POLR3B: variants seen among roughly 807,000 people sequenced by gnomAD.
POLR3B encodes RNA polymerase III subunit B, also known as DNA-directed RNA polymerase III subunit RPC2.
A neutral mutation model predicts 147.4 loss-of-function variants in POLR3B; 96 were observed. The observed-to-expected ratio is 0.65, with a 90% CI of 0.55 to 0.77. POLR3B has a LOEUF of 0.77. Ranked by LOEUF, POLR3B falls within the 30% of genes least tolerant of loss-of-function variation. The pLI, the probability that POLR3B is intolerant of heterozygous loss-of-function variation, is 0.00. For synonymous variants in POLR3B, 461 were observed against 485.9 expected, an observed-to-expected ratio of 0.95 and a Z score of 0.67; for missense variants, 1,036 against 1,413.5, an observed-to-expected ratio of 0.73 and a Z score of 4.28.
At position 106,395,266 on chromosome 12, in the gene POLR3B, A is replaced by G. The variant is rs548998121; in HGVS notation, c.846+2113A>G. 2.6e-5 allele frequency among the ~76,000 whole-genome samples: 4 copies of G among 152,162 alleles called. No individual in the cohort carries two copies. The East Asian group carries it at 7.7e-4, about 29-fold the overall frequency. ...CTGAGACTGGGTAATTTATAAAGAA[A>G]AGAGGTTTAATTGGCTCATGGTTTT... On this transcript the variant is annotated intron_variant, in intron 10 of 27. Transcript: ENST00000228347.
At chr12:106,432,604 T>A in intron 15 of POLR3B, 124 bp downstream of exon 15, 1 of 832,836 alleles carries the variant, frequency 1.2e-6, no homozygotes, top group Non-Finnish European at 2.1e-6. Flanking sequence ...GACCTTCACT[T>A]AAAGGTAGAA....
At chr12:106,470,761 T>C (rs2038079565) in intron 23 of POLR3B, among the ~76,000 whole-genome samples, 1 of 150,116 alleles carries the variant, frequency 6.7e-6, no homozygotes, top group Non-Finnish European at 1.5e-5. Context: ...CTCCAGACCC[T>C]TTTTGCCTGG....
chr12:106,431,312 A>G lies in POLR3B; in HGVS notation c.1464+839A>G, dbSNP rs149555296. 3.9e-3 allele frequency among the ~76,000 whole-genome samples: 590 copies of G among 152,306 alleles called. 6 individuals are homozygous for G. Among genetic ancestry groups the G allele is most frequent in the East Asian group, 0.016 (85 of 5,180 alleles). On this transcript the variant is annotated intron_variant, in intron 14 of 27. Coordinates refer to ENST00000228347, the MANE Select transcript of POLR3B (RefSeq NM_018082.6). ...TGACACTAAAATTATCCAGTTTGTC[A>G]AATTTTGCATAATTTATATATCTTG...
At chr12:106,479,105 G>A (rs752064627) in intron 23 of POLR3B, among the ~76,000 whole-genome samples, 9 of 152,004 alleles carry the variant, frequency 5.9e-5, no homozygotes, top group East Asian at 1.9e-4. Context: ...ATTGGACACC[G>A]TCGCATCCTG....
rs1188676430 is a variant in POLR3B at position 106,437,151 on chromosome 12, AC to A, written c.1856+21del. On this transcript the variant is annotated intron_variant, in intron 17 of 27. Transcript: ENST00000228347. ...GTACAGGTAAGTAGCCAAAAGTAAAACTTACCAATCTCCTTAATACCCACAT... is the reference window on the plus strand; with the variant it reads ...GTACAGGTAAGTAGCCAAAAGTAAAATTACCAATCTCCTTAATACCCACAT... The A allele has an allele frequency of 6.5e-7, 1 of 1,528,350 alleles. No individual in the cohort carries two copies. Among genetic ancestry groups the A allele is most frequent in the South Asian group, 1.1e-5 (1 of 88,864 alleles). The allele number at this position is 1,528,350 out of a possible 1,614,324, so 94.7% of individuals were successfully genotyped here. A position where few individuals can be genotyped will look rare whatever the true frequency, so the allele number is the denominator to read the frequency against.
intron 9 of POLR3B, among the ~76,000 whole-genome samples, chr12:106,387,193 T>A (rs998360477): frequency 6.6e-6 from 1 of 152,266 alleles, no homozygotes; most frequent in Admixed American, 6.5e-5. Context: ...TTTTGTGATA[T>A]ACACATACAT....
intron 23 of POLR3B, among the ~76,000 whole-genome samples, chr12:106,468,813 G>C (rs779382952): frequency 1.3e-5 from 2 of 152,182 alleles, no homozygotes; most frequent in African/African-American, 4.8e-5. Flanking sequence ...GAGACAGTTT[G>C]TTGTGATTTC....
intron 10 of POLR3B, among the ~76,000 whole-genome samples, chr12:106,396,232 G>A (rs1012016882): frequency 6.6e-6 from 1 of 152,134 alleles, no homozygotes; most frequent in Non-Finnish European, 1.5e-5. Context: ...AAACTAGAAG[G>A]CCAACATTTA....
At chr12:106,383,902 C>T (rs534921107) in intron 9 of POLR3B, among the ~76,000 whole-genome samples, 4 of 151,210 alleles carry the variant, frequency 2.6e-5, no homozygotes, top group South Asian at 4.2e-4. Flanking sequence ...CGCTTGAACC[C>T]GGGAGGTGGA....
In POLR3B at chr12:106,457,258, G is replaced by A. The variant is rs146772688; in HGVS notation, c.2414G>A (p.Arg805Gln). The A allele has an allele frequency of 3.2e-5, 51 of 1,613,644 alleles. No individual in the cohort carries two copies. The highest frequency in any genetic ancestry group is 1.0e-4 in the Admixed American group (6 of 59,974). ...LDAATRKPIWRHEILDADGIC... is the reference protein window; with the variant it reads ...LDAATRKPIWQHEILDADGIC... ...GCTGCTACAAGGAAACCTATCTGGC[G>A]ACATGAAATCTTAGATGCAGATGGT... is the stretch of plus-strand genomic sequence containing the variant. The change falls in exon 21 of 28, where the codon CGA becomes CAA. Residue 805 changes from arginine to glutamine, a missense_variant. Transcript: ENST00000228347.
chr12:106,375,068 T>TC (rs2036659914), intron 6 of POLR3B, among the ~76,000 whole-genome samples: 1 of 152,232 alleles, frequency 6.6e-6, no homozygotes, highest in South Asian at 2.1e-4. Context: ...TATGTTGACC[T>TC]CATTCTGAGT....
At chr12:106,427,688 T>C (rs2037456826) in intron 13 of POLR3B, among the ~76,000 whole-genome samples, 1 of 152,220 alleles carries the variant, frequency 6.6e-6, no homozygotes, top group African/African-American at 2.4e-5. Flanking sequence ...TCAGGCAGGT[T>C]TATTAATTAT....
rs2037286358 is a variant in POLR3B at position 106,415,286 on chromosome 12, AC to A, written c.1101+4327del. ...GGCTCCCTCTGAAAGCAGTGAGGTC[AC>A]TACAGTGAGATGTGATGTGGTTAAT... is the stretch of plus-strand genomic sequence containing the variant. On this transcript the variant is annotated intron_variant, in intron 12 of 27. Coordinates refer to ENST00000228347, the MANE Select transcript of POLR3B (RefSeq NM_018082.6). 2.0e-5 allele frequency among the ~76,000 whole-genome samples: 3 copies of A among 152,348 alleles called. No individual in the cohort carries two copies. In the South Asian group the frequency reaches 6.2e-4, roughly 32 times the overall value.
At chr12:106,409,347 TTTTTTTTG>T (rs1157237507) in intron 11 of POLR3B, among the ~76,000 whole-genome samples, 1 of 43,782 alleles carries the variant, frequency 2.3e-5, no homozygotes, top group East Asian at 2.4e-4. Context: ...TGTAAGAGGG[TTTTTTTTG>T]TTTTTTTTTT....
rs150114523 is a variant in POLR3B, at chr12:106,410,481, G to C, written c.967-345G>C. The C allele has an allele frequency of 4.3e-3, 1,137 of 266,822 alleles. 15 individuals carry two copies. The highest frequency in any genetic ancestry group is 0.024 in the African/African-American group (1,081 of 44,804). 16.5% of individuals were successfully genotyped at this position (266,822 alleles called of 1,614,324 possible). A position where few individuals can be genotyped will look rare whatever the true frequency, so the allele number is the denominator to read the frequency against. On this transcript the variant is annotated intron_variant, in intron 11 of 27. Transcript: ENST00000228347. ...TAAAGATTAATTCTGGAATTGGCTGGTATCATTTCAGCTGTATTCTCTTGG... is the reference window on the plus strand; with the variant it reads ...TAAAGATTAATTCTGGAATTGGCTGCTATCATTTCAGCTGTATTCTCTTGG...
intron 22 of POLR3B, among the ~76,000 whole-genome samples, chr12:106,461,003 C>T (rs187718493): frequency 6.6e-5 from 10 of 152,206 alleles, no homozygotes; most frequent in African/African-American, 1.9e-4. Context: ...CCCTAACCCT[C>T]GGAACTGGCC....
At chr12:106,396,910 A>G (rs936497835) in intron 10 of POLR3B, among the ~76,000 whole-genome samples, 5 of 152,082 alleles carry the variant, frequency 3.3e-5, no homozygotes, top group Non-Finnish European at 5.9e-5. Context: ...TAGGCAACAT[A>G]GTGAGACCCT....
intron 19 of POLR3B, among the ~76,000 whole-genome samples, chr12:106,448,785 ACTTT>A (rs1280116028): frequency 6.6e-6 from 1 of 151,728 alleles, no homozygotes; most frequent in East Asian, 1.9e-4. Flanking sequence ...TATAATACAT[ACTTT>A]TTTTTGTTCT....
At chr12:106,418,569 G>A (rs2037335694) in intron 12 of POLR3B, among the ~76,000 whole-genome samples, 1 of 152,164 alleles carries the variant, frequency 6.6e-6, no homozygotes, top group African/African-American at 2.4e-5. Context: ...CTGTATTTCA[G>A]CAGCTTAACT....
Sources: allele counts gnomAD v4.1 joint callset (sites outside exome capture counted in the v4.1 genomes callset), GRCh38; gene constraint gnomAD v4.1.1; transcripts MANE v1.5; gene names NCBI Gene and HGNC (gene_info 2026-07-23, HGNC 2026-07-21).